The following PLXNC1 variants were observed in gnomAD, a reference collection of about 807,000 sequenced individuals.
PLXNC1 encodes plexin C1, also known as plexin-C1.
A neutral mutation model predicts 178.2 loss-of-function variants in PLXNC1; 75 were observed. That is an observed-to-expected ratio of 0.42 (90% CI 0.35 to 0.51). The LOEUF (loss-of-function observed/expected upper bound fraction) is 0.51. Among genes scored for constraint, PLXNC1 ranks in the 20% least tolerant of loss-of-function variants. The pLI, the probability that PLXNC1 is intolerant of heterozygous loss-of-function variation, is 0.02. For missense variants in PLXNC1, 1,503 were observed against 1,984.4 expected, an observed-to-expected ratio of 0.76 and a Z score of 4.61; for synonymous variants, 790 against 779.9, an observed-to-expected ratio of 1.01 and a Z score of -0.22.
chr12:94,190,615 A>G (rs531726085), intron 4 of PLXNC1, among the ~76,000 whole-genome samples: 1 of 152,270 alleles, frequency 6.6e-6, no homozygotes, highest in Non-Finnish European at 1.5e-5. Context: ...TTTAAAATCC[A>G]AATCAGATTA....
intron 27 of PLXNC1, among the ~76,000 whole-genome samples, chr12:94,300,659 T>A (rs1410284024): frequency 6.6e-6 from 1 of 152,176 alleles, no homozygotes; most frequent in Admixed American, 6.5e-5. Context: ...AAGAGCTATC[T>A]GGAGAAAATT....
intron 21 of PLXNC1, among the ~76,000 whole-genome samples, chr12:94,266,676 A>C (rs1965262380): frequency 6.6e-6 from 1 of 152,226 alleles, no homozygotes; most frequent in Non-Finnish European, 1.5e-5. Context: ...AATGTTGGGC[A>C]AGTTTCTAAA....
At chr12:94,208,507 C>G (rs1341016520) in intron 4 of PLXNC1, among the ~76,000 whole-genome samples, 3 of 152,172 alleles carry the variant, frequency 2.0e-5, no homozygotes, top group African/African-American at 7.2e-5. Flanking sequence ...CCCATCCATT[C>G]CTCATTCCGC....
At chr12:94,175,899 A>G (rs1962033011) in intron 2 of PLXNC1, among the ~76,000 whole-genome samples, 1 of 152,250 alleles carries the variant, frequency 6.6e-6, no homozygotes, top group Non-Finnish European at 1.5e-5. Context: ...TATGAAGAAA[A>G]TACAGTGATG....
intron 1 of PLXNC1, among the ~76,000 whole-genome samples, chr12:94,161,944 ATTTATTTAT>A (rs944004364): frequency 1.3e-5 from 2 of 152,216 alleles, no homozygotes; most frequent in Non-Finnish European, 2.9e-5. Flanking sequence ...TGACCCATGT[ATTTATTTAT>A]CCCTTTGATA....
chr12:94,191,611 C>T (rs897891321), intron 4 of PLXNC1, among the ~76,000 whole-genome samples: 6 of 151,966 alleles, frequency 3.9e-5, no homozygotes. Context: ...TGGTGAAACC[C>T]TGTCTCTACT....
At chr12:94,175,233 T>G (rs749472558) in intron 2 of PLXNC1, among the ~76,000 whole-genome samples, 20 of 152,188 alleles carry the variant, frequency 1.3e-4, no homozygotes, top group Non-Finnish European at 2.6e-4. Flanking sequence ...TCTCAGAAAC[T>G]GCTTATGGAA....
intron 1 of PLXNC1, among the ~76,000 whole-genome samples, chr12:94,159,936 C>T (rs528345208): frequency 1.3e-5 from 2 of 152,232 alleles, no homozygotes; most frequent in South Asian, 4.1e-4. Context: ...GAGGTTGCAG[C>T]AATGAGGATG....
chr12:94,183,344 C>G (rs370270595), intron 3 of PLXNC1, among the ~76,000 whole-genome samples: 2 of 152,210 alleles, frequency 1.3e-5, no homozygotes, highest in Admixed American at 6.5e-5. Flanking sequence ...AGCTTGTAAA[C>G]CAGTCCTTCA....
In PLXNC1 at chr12:94,305,209, G is replaced by C; in HGVS notation, c.4631G>C (p.Gly1544Ala). The C allele has an allele frequency of 1.2e-6, 2 of 1,609,908 alleles. No homozygotes were observed. The highest frequency in any genetic ancestry group is 1.7e-6 in the Non-Finnish European group (2 of 1,177,014). Reference sequence around the variant, plus strand: ...CTAAATAAACTAGAAAGAGAACGAGGGCTGGAAGAAGCTCAGAAACAACTC... The same window carrying C: ...CTAAATAAACTAGAAAGAGAACGAGCGCTGGAAGAAGCTCAGAAACAACTC... ...EILNKLERERGLEEAQKQLLH... is the reference protein window; with the variant it reads ...EILNKLERERALEEAQKQLLH... The change falls in exon 31 of 31, where the codon GGG (glycine) becomes GCG (alanine). Residue 1544 changes from glycine to alanine, a missense_variant. Physicochemically the swap from Gly to Ala is moderately conservative, Grantham distance 60 (BLOSUM62 0). This residue lies in a region of PLXNC1 where 639 missense variants were observed against 979.7 expected (regional missense o/e 0.65). Coordinates refer to ENST00000258526, the MANE Select transcript of PLXNC1 (RefSeq NM_005761.3).
intron 17 of PLXNC1, chr12:94,256,285 A>G (rs996441110): frequency 2.0e-5 from 3 of 152,196 alleles, no homozygotes; most frequent in African/African-American, 7.2e-5. Flanking sequence ...ACATGCAGTA[A>G]GCAATTTCCA....
intron 3 of PLXNC1, among the ~76,000 whole-genome samples, chr12:94,182,444 G>T (rs1425186413): frequency 1.0e-4 from 13 of 128,832 alleles, no homozygotes; most frequent in Admixed American, 7.9e-5. Flanking sequence ...AAAAAAAAAA[G>T]GCTGGGCATG....
chr12:94,173,537 T>G (rs549629469), intron 2 of PLXNC1, among the ~76,000 whole-genome samples: 1 of 152,276 alleles, frequency 6.6e-6, no homozygotes, highest in African/African-American at 2.4e-5. Flanking sequence ...TTAACTGGTT[T>G]AATCCTTACC....
chr12:94,306,503 AC>A lies in PLXNC1; in HGVS notation c.*1220del, dbSNP rs1454404470. 6.6e-6 allele frequency: 1 copy of A among 152,172 alleles called. No individual in the cohort carries two copies. Among genetic ancestry groups the A allele is most frequent in the East Asian group, 1.9e-4 (1 of 5,198 alleles). The allele number at this position is 152,172 out of a possible 1,614,324, so 9.4% of individuals were successfully genotyped here. A position where few individuals can be genotyped will look rare whatever the true frequency, so the allele number is the denominator to read the frequency against. The stretch of plus-strand genomic sequence containing the variant: ...AATTCCTGAATTTTTGCTGCTCATG[AC>A]CAGTTTTAATACCACTGTGTTTTCC... On this transcript the variant is annotated 3_prime_UTR_variant, in exon 31 of 31. Coordinates refer to ENST00000258526, the MANE Select transcript of PLXNC1 (RefSeq NM_005761.3).
chr12:94,198,863 G>A (rs1002756441), intron 4 of PLXNC1, among the ~76,000 whole-genome samples: 7 of 152,024 alleles, frequency 4.6e-5, no homozygotes, highest in Non-Finnish European at 1.0e-4. Context: ...ATTTCATCTC[G>A]ACGTCCTTAA....
intron 1 of PLXNC1, among the ~76,000 whole-genome samples, chr12:94,151,861 C>G (rs1335354182): frequency 6.6e-6 from 1 of 152,184 alleles, no homozygotes; most frequent in African/African-American, 2.4e-5. Context: ...CGTTTTGGCT[C>G]AATCAGGTGT....
At chr12:94,205,651 C>T (rs1214219145) in intron 4 of PLXNC1, among the ~76,000 whole-genome samples, 1 of 152,204 alleles carries the variant, frequency 6.6e-6, no homozygotes, top group East Asian at 1.9e-4. Context: ...GTTGTATTCA[C>T]AGCTAGTGAT....
chr12:94,149,214 G>A lies in PLXNC1; in HGVS notation c.243G>A (p.Arg81=). 3 of 1,585,242 alleles carry A rather than the reference G, an allele frequency of 1.9e-6. No homozygotes were observed. The highest frequency in any genetic ancestry group is 1.4e-5 in the African/African-American group (1 of 71,504). The part of the protein sequence containing the change: ...SLEHSLSRLY[R]DQAGNCTEPV... Reference sequence around the variant, plus strand: ...AGCACAGCCTCTCGCGCCTGTACCGGGACCAAGCGGGCAACTGCACAGAGC... The same window carrying A: ...AGCACAGCCTCTCGCGCCTGTACCGAGACCAAGCGGGCAACTGCACAGAGC... The change falls in exon 1 of 31, where the codon CGG becomes CGA. Residue 81 remains arginine (R), a synonymous_variant. Transcript: ENST00000258526.
Position 94,298,796 on chromosome 12 carries a change from G to A in PLXNC1, c.4238+1G>A. On this transcript the variant is annotated splice_donor_variant, in intron 27 of 30. Coordinates refer to ENST00000258526, the MANE Select transcript of PLXNC1 (RefSeq NM_005761.3). LOFTEE classifies it high-confidence loss of function. The stretch of plus-strand genomic sequence containing the variant: ...TCGTACATATTTGGAAAACAAACAG[G>A]TGGGAATGTAGGTGATTAGTGACTG... 6.2e-7 allele frequency: 1 copy of A among 1,610,310 alleles called. No individual in the cohort carries two copies. Among genetic ancestry groups the A allele is most frequent in the Non-Finnish European group, 8.5e-7 (1 of 1,179,110 alleles).
Sources: gnomAD v4.1 joint callset for allele counts (sites outside exome capture counted in the v4.1 genomes callset) on GRCh38, gnomAD v4.1.1 for gene constraint, gnomAD v4.1.1 regional missense constraint, MANE v1.5 for transcripts, NCBI Gene and HGNC (gene_info 2026-07-23, HGNC 2026-07-21) for gene names.